The following BRD4 variants were observed in gnomAD, a reference collection of about 807,000 sequenced individuals.
BRD4 encodes the protein bromodomain-containing protein 4.
Under a neutral mutation model 142.1 loss-of-function variants are expected in BRD4, and 16 were observed. The observed-to-expected ratio is 0.11, with a 90% CI of 0.08 to 0.17. The LOEUF (loss-of-function observed/expected upper bound fraction) is 0.17, where lower values mean the gene tolerates loss of function less well. Among genes scored for constraint, BRD4 ranks in the 10% least tolerant of loss-of-function variants. BRD4 has a pLI of 1.00. For missense variants in BRD4, 1,424 were observed against 1,810.9 expected, an observed-to-expected ratio of 0.79 and a Z score of 3.88; for synonymous variants, 833 against 707.5, an observed-to-expected ratio of 1.18 and a Z score of -2.82.
chr19:15,312,900 C>T (rs910887551), intron 1 of BRD4, among the ~76,000 whole-genome samples: 2 of 152,110 alleles, frequency 1.3e-5, no homozygotes, highest in Non-Finnish European at 2.9e-5. Flanking sequence ...CATGTCATTG[C>T]ACTCCAGCCT....
chr19:15,257,485 C>G (rs954162445), intron 7 of BRD4, among the ~76,000 whole-genome samples: 1 of 152,214 alleles, frequency 6.6e-6, no homozygotes, highest in African/African-American at 2.4e-5. Context: ...AGCCAGCTCA[C>G]TGAAGTCTGA....
intron 1 of BRD4, among the ~76,000 whole-genome samples, chr19:15,329,399 C>CAGCCCA (rs996079616): frequency 2.6e-5 from 4 of 152,140 alleles, no homozygotes; most frequent in Non-Finnish European, 5.9e-5. Context: ...GCAGATTTAA[C>CAGCCCA]AGCCCAGGGT....
chr19:15,318,286 T>C lies in BRD4; in HGVS notation c.-35+14004A>G, dbSNP rs1181354384. 5.3e-5 allele frequency among the ~76,000 whole-genome samples: 8 copies of C among 151,702 alleles called. No individual in the cohort carries two copies. In the East Asian group the frequency reaches 9.7e-4, roughly 18 times the overall value. ...AAGTTTAATCTTCAAACTATAGAGA[T>C]TGGGGCGGGGGGGTGAAGGAGTCTG... is the stretch of plus-strand genomic sequence containing the variant. On this transcript the variant is annotated intron_variant, in intron 1 of 19. Coordinates refer to ENST00000679869, the MANE Select transcript of BRD4 (RefSeq NM_001379291.1).
In BRD4 at chr19:15,243,034, G is replaced by A. The variant is rs749938247; in HGVS notation, c.3035C>T (p.Pro1012Leu). The change falls in exon 14 of 20, where the codon CCG (proline) becomes CTG (leucine). Residue 1012 changes from proline (P) to leucine (L), a missense_variant. By Grantham distance (98) the Pro-to-Leu change is moderately conservative. Around this residue, in one of 16 missense-constraint regions of BRD4, gnomAD observed 598 missense variants for 647.8 expected, o/e 0.92. Transcript: ENST00000679869. ...GGGGGGCTGCTGGCCCTGGGGTGGC[G>A]GGGGCTGTTGGATGTGGGTGGAAAA... ...MQFSTHIQQP[P>L]PPQGQQPPHP... 4.5e-5 allele frequency: 69 copies of A among 1,534,416 alleles called. 1 individual carries two copies. In the East Asian group the frequency reaches 7.1e-4, roughly 16 times the overall value.
intron 14 of BRD4, 141 bp downstream of exon 14, chr19:15,242,759 C>A (rs751819349): frequency 3.7e-6 from 5 of 1,339,616 alleles, no homozygotes; most frequent in Middle Eastern, 4.4e-4. Context: ...ACCAATGACC[C>A]TTCCAGGTCC....
At position 15,279,166 on chromosome 19, in the gene BRD4, C is replaced by A. The variant is rs115139518; in HGVS notation, c.-34-6033G>T. On this transcript the variant is annotated intron_variant, in intron 1 of 19. Coordinates refer to ENST00000679869, the MANE Select transcript of BRD4 (RefSeq NM_001379291.1). The stretch of plus-strand genomic sequence containing the variant: ...AAGCATGCCTGTTTTCAAAGATGTT[C>A]TTTGCAATCATAATATTTAAGTGAA... Among the ~76,000 whole-genome samples, 945 of 152,266 alleles carry A rather than the reference C, an allele frequency of 6.2e-3. 10 individuals are homozygous for A. Among genetic ancestry groups the A allele is most frequent in the African/African-American group, 0.022 (896 of 41,548 alleles).
chr19:15,313,365 T>C (rs1599519750), intron 1 of BRD4, among the ~76,000 whole-genome samples: 10 of 100,400 alleles, frequency 1.0e-4, no homozygotes, highest in East Asian at 6.2e-4. Context: ...AAAGCAAGAC[T>C]CCATCTTTAA....
intron 1 of BRD4, among the ~76,000 whole-genome samples, chr19:15,304,988 A>T (rs1390490242): frequency 6.6e-6 from 1 of 150,742 alleles, no homozygotes; most frequent in Non-Finnish European, 1.5e-5. Context: ...TAAAACAAAG[A>T]TTCATAAATT....
chr19:15,253,820 G>A (rs771081071), intron 11 of BRD4: 56 of 1,536,452 alleles, frequency 3.6e-5, no homozygotes, highest in Non-Finnish European at 4.7e-5. Flanking sequence ...AGCACAGCCT[G>A]GACCCCCACG....
At chr19:15,286,519 G>C (rs1384937298) in intron 1 of BRD4, among the ~76,000 whole-genome samples, 2 of 152,144 alleles carry the variant, frequency 1.3e-5, no homozygotes, top group African/African-American at 4.8e-5. Context: ...AAATTTCTAG[G>C]AGCCACATTA....
chr19:15,242,766 GT>G, intron 14 of BRD4, 133 bp downstream of exon 14: 1 of 1,378,850 alleles, frequency 7.3e-7, no homozygotes, highest in Non-Finnish European at 9.8e-7. Flanking sequence ...ACCCTTCCAG[GT>G]CCCCCTCCAA....
At chr19:15,251,289 C>T (rs533818698) in intron 11 of BRD4, among the ~76,000 whole-genome samples, 1 of 152,078 alleles carries the variant, frequency 6.6e-6, no homozygotes, top group East Asian at 1.9e-4. Context: ...ATGTATCACA[C>T]CCCCCAGCCT....
rs1022498042 is a variant in BRD4 at position 15,237,317 on chromosome 19, T to C, written c.*1060A>G. ...GGTTTTATAATTAAAAATAGACTAATAAAGTTTGAAACTGAGTAAAATATA... is the reference window on the plus strand; with the variant it reads ...GGTTTTATAATTAAAAATAGACTAACAAAGTTTGAAACTGAGTAAAATATA... On this transcript the variant is annotated 3_prime_UTR_variant, in exon 20 of 20. Coordinates refer to ENST00000679869, the MANE Select transcript of BRD4 (RefSeq NM_001379291.1). 1 of 175,144 alleles carries C rather than the reference T, an allele frequency of 5.7e-6. No homozygotes were observed. Among genetic ancestry groups the C allele is most frequent in the Non-Finnish European group, 1.1e-5 (1 of 93,030 alleles). The allele number at this position is 175,144 out of a possible 1,614,324, so 10.8% of individuals were successfully genotyped here. A position where few individuals can be genotyped will look rare whatever the true frequency, so the allele number is the denominator to read the frequency against.
At chr19:15,319,827 T>C (rs760412858) in intron 1 of BRD4, among the ~76,000 whole-genome samples, 3 of 151,332 alleles carry the variant, frequency 2.0e-5, no homozygotes, top group Admixed American at 1.3e-4. Flanking sequence ...CCCAGTTACT[T>C]AGGAAGCTGA....
intron 7 of BRD4, among the ~76,000 whole-genome samples, chr19:15,258,679 G>A (rs1221105040): frequency 6.6e-6 from 1 of 151,962 alleles, no homozygotes; most frequent in African/African-American, 2.4e-5. Context: ...GCTCAATCAT[G>A]GCTCACTACA....
chr19:15,312,159 A>T (rs1287699133), intron 1 of BRD4, among the ~76,000 whole-genome samples: 2 of 152,250 alleles, frequency 1.3e-5, no homozygotes, highest in Non-Finnish European at 2.9e-5. Flanking sequence ...ATGAAATGCC[A>T]CACAAAGCAA....
At chr19:15,255,876 AG>A (rs1477541808) in intron 9 of BRD4, among the ~76,000 whole-genome samples, 187 bp downstream of exon 9, 2 of 152,240 alleles carry the variant, frequency 1.3e-5, no homozygotes, top group Admixed American at 6.5e-5. Flanking sequence ...CTCATCCTAC[AG>A]AAAGAGGCAG....
chr19:15,246,597 T>G (rs780693126), intron 11 of BRD4: 2 of 152,044 alleles, frequency 1.3e-5, no homozygotes, highest in African/African-American at 4.8e-5. Flanking sequence ...CTCGTGGCCT[T>G]GGAAGAAACC....
Position 15,263,568 on chromosome 19 carries a change from CCT to C in BRD4, c.1213-22_1213-21del. ...TTTAGACTGGAAAACAAGACAAGTCCCTGTTAGCTGTGTCTGCCCATGTGACC... is the reference window on the plus strand; with the variant it reads ...TTTAGACTGGAAAACAAGACAAGTCCGTTAGCTGTGTCTGCCCATGTGACC... On this transcript the variant is annotated intron_variant, in intron 6 of 19. Coordinates refer to ENST00000679869, the MANE Select transcript of BRD4 (RefSeq NM_001379291.1). 6.2e-7 allele frequency: 1 copy of C among 1,613,664 alleles called. No homozygotes were observed. The highest frequency in any genetic ancestry group is 8.5e-7 in the Non-Finnish European group (1 of 1,179,600).
Sources: allele counts gnomAD v4.1 joint callset (sites outside exome capture counted in the v4.1 genomes callset), GRCh38; gene constraint gnomAD v4.1.1; regional missense constraint gnomAD v4.1.1; transcripts MANE v1.5; gene names NCBI Gene and HGNC (gene_info 2026-07-23, HGNC 2026-07-21).